The following MLLT3 variants were observed in gnomAD, a reference collection of about 807,000 sequenced individuals.
MLLT3 encodes the protein MLLT3 super elongation complex subunit, also known as protein AF-9.
MLLT3 carries 4 observed loss-of-function variants against 53.2 expected under a neutral mutation model. The ratio of observed to expected loss-of-function variants is 0.08; its 90% CI spans 0.04 to 0.17. MLLT3 has a LOEUF of 0.17. Among genes scored for constraint, MLLT3 ranks in the 10% least tolerant of loss-of-function variants. MLLT3 has a pLI of 1.00. For missense variants in MLLT3, 569 were observed against 684.0 expected, an observed-to-expected ratio of 0.83 and a Z score of 1.87; for synonymous variants, 283 against 230.6, an observed-to-expected ratio of 1.23 and a Z score of -2.06.
intron 5 of MLLT3, among the ~76,000 whole-genome samples, chr9:20,387,989 C>T (rs1024946554): frequency 6.6e-6 from 1 of 152,078 alleles, no homozygotes; most frequent in African/African-American, 2.4e-5. Flanking sequence ...CAATTGCCCC[C>T]CAAAAATACC....
chr9:20,558,434 C>A (rs1819118110), intron 2 of MLLT3, among the ~76,000 whole-genome samples: 1 of 152,122 alleles, frequency 6.6e-6, no homozygotes, highest in South Asian at 2.1e-4. Flanking sequence ...AGCCACTGCA[C>A]CCAACCAGGA....
intron 7 of MLLT3, chr9:20,362,706 C>CTTTTTTTTTTTT (rs989895694): frequency 1.1e-3 from 106 of 99,630 alleles, no homozygotes; most frequent in African/African-American, 3.0e-3. Flanking sequence ...GTTAAGACCG[C>CTTTTTTTTTTTT]TTTTTTTTTT....
chr9:20,430,661 A>C (rs1199723099), intron 4 of MLLT3, among the ~76,000 whole-genome samples: 1 of 152,186 alleles, frequency 6.6e-6, no homozygotes, highest in East Asian at 1.9e-4. Flanking sequence ...AAAACTTTTC[A>C]GAAAATTCAG....
chr9:20,349,774 C>T (rs967040307), intron 10 of MLLT3, among the ~76,000 whole-genome samples: 1 of 152,202 alleles, frequency 6.6e-6, no homozygotes, highest in Admixed American at 6.5e-5. Context: ...CACCCGCTAC[C>T]TCCTCTATCA....
intron 5 of MLLT3, among the ~76,000 whole-genome samples, chr9:20,405,765 C>T (rs144169454): frequency 6.6e-6 from 1 of 152,114 alleles, no homozygotes; most frequent in Non-Finnish European, 1.5e-5. Flanking sequence ...AAACTATTTA[C>T]ACAATTTGTC....
intron 2 of MLLT3, among the ~76,000 whole-genome samples, chr9:20,605,159 C>G (rs111888942): frequency 6.6e-6 from 1 of 151,974 alleles, no homozygotes; most frequent in Non-Finnish European, 1.5e-5. Flanking sequence ...CCTAAAACAA[C>G]TGTATAATGA....
At chr9:20,350,458 G>T (rs13287177) in intron 10 of MLLT3, among the ~76,000 whole-genome samples, 7 of 150,300 alleles carry the variant, frequency 4.7e-5, no homozygotes, top group Admixed American at 4.6e-4. Context: ...AGCCGGGCGT[G>T]GTGGCGGGCG....
intron 2 of MLLT3, among the ~76,000 whole-genome samples, chr9:20,508,634 T>A (rs1825444410): frequency 6.6e-6 from 1 of 152,172 alleles, no homozygotes; most frequent in Non-Finnish European, 1.5e-5. Context: ...CTTCATACAA[T>A]TCAAGTAGAC....
At chr9:20,461,394 A>C (rs1415790193) in intron 2 of MLLT3, among the ~76,000 whole-genome samples, 1 of 152,188 alleles carries the variant, frequency 6.6e-6, no homozygotes, top group Non-Finnish European at 1.5e-5. Context: ...TGATCTGGCA[A>C]ATTTGCAATA....
chr9:20,500,415 C>G (rs548542722), intron 2 of MLLT3, among the ~76,000 whole-genome samples: 1 of 152,312 alleles, frequency 6.6e-6, no homozygotes, highest in East Asian at 1.9e-4. Flanking sequence ...CATTTCTGCA[C>G]TACTCTATTG....
At chr9:20,567,326 A>T (rs929026197) in intron 2 of MLLT3, among the ~76,000 whole-genome samples, 2 of 150,922 alleles carry the variant, frequency 1.3e-5, no homozygotes, top group African/African-American at 4.8e-5. Flanking sequence ...AAAAAAAAAA[A>T]AACACAAACG....
chr9:20,373,564 T>A (rs1821675371), intron 5 of MLLT3, among the ~76,000 whole-genome samples: 1 of 152,214 alleles, frequency 6.6e-6, no homozygotes, highest in African/African-American at 2.4e-5. Flanking sequence ...TTGGCAACTA[T>A]ATTTATGAAC....
At chr9:20,532,231 C>A (rs1171700397) in intron 2 of MLLT3, among the ~76,000 whole-genome samples, 3 of 151,834 alleles carry the variant, frequency 2.0e-5, no homozygotes, top group African/African-American at 7.3e-5. Flanking sequence ...AAGTGACCCT[C>A]GCAAACATTC....
At position 20,622,305 on chromosome 9, in the gene MLLT3, C is replaced by T. The variant is rs1366435940; in HGVS notation, c.-49G>A. The T allele has an allele frequency of 3.4e-6, 5 of 1,480,356 alleles. No homozygotes were observed. The highest frequency in any genetic ancestry group is 4.5e-6 in the Non-Finnish European group (5 of 1,099,428). The allele number at this position is 1,480,356 out of a possible 1,614,324, so 91.7% of individuals were successfully genotyped here. On this transcript the variant is annotated 5_prime_UTR_variant, in exon 1 of 11. Transcript: ENST00000380338. ...GGGGTGTTGTGTGGTACCCCCCCCTCCTCCGCCCCCCCTCAGCTGTAATTC... is the reference window on the plus strand; with the variant it reads ...GGGGTGTTGTGTGGTACCCCCCCCTTCTCCGCCCCCCCTCAGCTGTAATTC...
At chr9:20,379,992 C>T (rs1212011479) in intron 5 of MLLT3, among the ~76,000 whole-genome samples, 1 of 152,034 alleles carries the variant, frequency 6.6e-6, no homozygotes, top group Non-Finnish European at 1.5e-5. Context: ...TACATCTCCT[C>T]GTTCATGAAT....
chr9:20,610,669 T>C (rs1820678456), intron 2 of MLLT3, among the ~76,000 whole-genome samples: 2 of 152,132 alleles, frequency 1.3e-5, no homozygotes, highest in Admixed American at 6.6e-5. Flanking sequence ...ATAGGTCCCA[T>C]CCTTTCTGAT....
At chr9:20,556,001 C>T (rs910262048) in intron 2 of MLLT3, among the ~76,000 whole-genome samples, 4 of 152,094 alleles carry the variant, frequency 2.6e-5, no homozygotes, top group Non-Finnish European at 5.9e-5. Flanking sequence ...TATAATACTC[C>T]CTTTTTCATT....
chr9:20,451,697 A>T (rs1347056778), intron 3 of MLLT3, among the ~76,000 whole-genome samples: 1 of 152,192 alleles, frequency 6.6e-6, no homozygotes, highest in African/African-American at 2.4e-5. Flanking sequence ...TATATAAATA[A>T]TACATTTCCT....
chr9:20,369,944 A>C (rs1210244900), intron 5 of MLLT3, among the ~76,000 whole-genome samples: 2 of 152,222 alleles, frequency 1.3e-5, no homozygotes, highest in Non-Finnish European at 2.9e-5. Flanking sequence ...CCAAAAATTC[A>C]GAGAAGTCCA....
Sources: allele counts gnomAD v4.1 joint callset (sites outside exome capture counted in the v4.1 genomes callset), GRCh38; gene constraint gnomAD v4.1.1; transcripts MANE v1.5; gene names NCBI Gene and HGNC (gene_info 2026-07-23, HGNC 2026-07-21).